The following SCEL variants were observed in gnomAD, a reference collection of about 807,000 sequenced individuals.
The protein encoded by SCEL is sciellin.
In SCEL, 113 loss-of-function variants were observed where a neutral mutation model predicts 117.6. The ratio of observed to expected loss-of-function variants is 0.96; its 90% CI spans 0.83 to 1.12. The LOEUF is 1.12. SCEL is among the 50% of genes most tolerant of loss of function. SCEL has a pLI of 0.00. For missense variants in SCEL, 785 were observed against 810.8 expected (o/e 0.97, Z 0.39); for synonymous variants, 270 against 256.2 (o/e 1.05, Z -0.51).
intron 9 of SCEL, among the ~76,000 whole-genome samples, chr13:77,579,094 G>C (rs570790572): frequency 6.6e-6 from 1 of 152,098 alleles, no homozygotes; most frequent in East Asian, 1.9e-4. Context: ...AGTGTGGGTC[G>C]ATGGATTCTA....
intron 28 of SCEL, among the ~76,000 whole-genome samples, chr13:77,631,303 T>C (rs2090009364): frequency 1.3e-5 from 2 of 152,228 alleles, no homozygotes. Context: ...TTATTGTCAA[T>C]GAAGATACAT....
At chr13:77,616,747 T>C (rs1281106406) in intron 24 of SCEL, among the ~76,000 whole-genome samples, 6 of 151,538 alleles carry the variant, frequency 4.0e-5, no homozygotes, top group Non-Finnish European at 2.9e-5. Context: ...GCATCCTTTT[T>C]TTTTTTTTTT....
Position 77,621,285 on chromosome 13 carries a change from C to CA in SCEL, c.1628+3226dup, listed in dbSNP as rs532532519. 1.4e-4 allele frequency among the ~76,000 whole-genome samples: 21 copies of CA among 152,302 alleles called. No homozygotes were observed. The South Asian group carries it at 4.4e-3, about 32-fold the overall frequency. On this transcript the variant is annotated intron_variant, in intron 27 of 32. Transcript: ENST00000349847. The stretch of plus-strand genomic sequence containing the variant: ...TCCTTAACCTGGTCTCTAAGCCCAC[C>CA]ACGATCTGGCATCTATGGGCTTTCC...
intron 24 of SCEL, among the ~76,000 whole-genome samples, chr13:77,615,858 A>G (rs2088982101): frequency 6.6e-6 from 1 of 152,086 alleles, no homozygotes; most frequent in Non-Finnish European, 1.5e-5. Flanking sequence ...TGTTTCTCAA[A>G]TGTGGGTTGC....
At chr13:77,633,442 C>CA (rs59939208) in intron 28 of SCEL, among the ~76,000 whole-genome samples, 571 of 29,470 alleles carry the variant, frequency 0.019, 28 homozygotes, top group Non-Finnish European at 0.026. Context: ...GACTCCGCCT[C>CA]AAAAAAAAAA....
At chr13:77,549,393 A>C (rs1010710) in intron 1 of SCEL, among the ~76,000 whole-genome samples, 38,878 of 152,098 alleles carry the variant, frequency 0.26, 5,177 homozygotes, top group Non-Finnish European at 0.29. Context: ...CTCAATTGAA[A>C]TAACAGAGAA....
chr13:77,607,993 CTTG>C, intron 19 of SCEL, 60 bp from the exon 20 acceptor site: 1 of 1,278,408 alleles, frequency 7.8e-7, no homozygotes. Flanking sequence ...GCTTTATCTT[CTTG>C]TTGTCAGTCT....
At position 77,613,275 on chromosome 13, in the gene SCEL, G is replaced by A. The variant is rs150022507; in HGVS notation, c.1388+334G>A. Among the ~76,000 whole-genome samples, 378 of 151,886 alleles carry A rather than the reference G, an allele frequency of 2.5e-3. 2 individuals are homozygous for A. The highest frequency in any genetic ancestry group is 8.4e-3 in the African/African-American group (347 of 41,436). On this transcript the variant is annotated intron_variant, in intron 23 of 32. Coordinates refer to ENST00000349847, the MANE Select transcript of SCEL (RefSeq NM_144777.3). ...AAAACTGAACAAATCAGTAAATATT[G>A]GCTTTCTGTTCTCTCACAAACACAG...
At position 77,644,330 on chromosome 13, in the gene SCEL, GT is replaced by G; in HGVS notation, c.*60del. 6.5e-7 allele frequency: 1 copy of G among 1,544,820 alleles called. No individual in the cohort carries two copies. The highest frequency in any genetic ancestry group is 8.9e-7 in the Non-Finnish European group (1 of 1,120,934). ...ACTCATTAAGGAATTAAAGTTACAA[GT>G]TTTATCTTAATAATATGTAATCTAG... On this transcript the variant is annotated 3_prime_UTR_variant, in exon 33 of 33. Transcript: ENST00000349847.
intron 30 of SCEL, among the ~76,000 whole-genome samples, chr13:77,640,324 A>G (rs573395100): frequency 2.6e-5 from 4 of 152,294 alleles, no homozygotes; most frequent in Non-Finnish European, 4.4e-5. Context: ...AACATGATAT[A>G]TGTAAATTCA....
At chr13:77,624,199 C>T (rs1387834173) in intron 27 of SCEL, among the ~76,000 whole-genome samples, 3 of 151,202 alleles carry the variant, frequency 2.0e-5, no homozygotes, top group East Asian at 3.9e-4. Context: ...CCTCCTCCCC[C>T]AGTTCACACA....
chr13:77,578,254 A>T (rs1290589666), intron 9 of SCEL, among the ~76,000 whole-genome samples: 1 of 152,086 alleles, frequency 6.6e-6, no homozygotes, highest in Non-Finnish European at 1.5e-5. Flanking sequence ...TGGTGCTTTC[A>T]CAAGTTTTGC....
chr13:77,616,914 T>C (rs957381124), intron 24 of SCEL, among the ~76,000 whole-genome samples: 2 of 152,102 alleles, frequency 1.3e-5, no homozygotes, highest in African/African-American at 4.8e-5. Flanking sequence ...TGAATAAGTA[T>C]GAAAATCAGT....
intron 9 of SCEL, among the ~76,000 whole-genome samples, chr13:77,585,301 G>C (rs1197384037): frequency 6.6e-6 from 1 of 152,150 alleles, no homozygotes; most frequent in Admixed American, 6.5e-5. Flanking sequence ...GCATGGCTTT[G>C]GGTATCACTG....
intron 9 of SCEL, among the ~76,000 whole-genome samples, chr13:77,587,502 C>T (rs2086630885): frequency 6.6e-6 from 1 of 152,116 alleles, no homozygotes; most frequent in African/African-American, 2.4e-5. Flanking sequence ...CCTTGCTTCC[C>T]CATTTTTTCC....
intron 14 of SCEL, 62 bp downstream of exon 14, chr13:77,599,450 A>G: frequency 1.5e-6 from 2 of 1,376,644 alleles, no homozygotes; most frequent in South Asian, 2.4e-5. Context: ...TTATTCCCTC[A>G]GACATTAGCT....
intron 27 of SCEL, among the ~76,000 whole-genome samples, chr13:77,625,176 T>C (rs1041759486): frequency 3.3e-5 from 5 of 152,262 alleles, no homozygotes; most frequent in African/African-American, 7.2e-5. Flanking sequence ...TCCTAAGAAA[T>C]TGGATCATGG....
In SCEL at chr13:77,604,397, CAAAT is replaced by C. The variant is rs1378667654; in HGVS notation, c.1143_1146del (p.Asn381LysfsTer15). On this transcript the variant is annotated frameshift_variant, in exon 19 of 33. Transcript: ENST00000349847. LOFTEE classifies it high-confidence loss of function. ...GGGCTTATTAAAGTGGATCCTGAAA[CAAAT>C]AAAAATATTACGAGGTAAGACATTT... 1.3e-6 allele frequency: 2 copies of C among 1,575,190 alleles called. No homozygotes were observed. The highest frequency in any genetic ancestry group is 2.4e-5 in the South Asian group (2 of 83,542).
In SCEL at chr13:77,610,126, CTA is replaced by C; in HGVS notation, c.1337+22_1337+23del. On this transcript the variant is annotated intron_variant, in intron 22 of 32. Coordinates refer to ENST00000349847, the MANE Select transcript of SCEL (RefSeq NM_144777.3). ...CCAAGGGTAAGGTTTATGGAACTCT[CTA>C]TTTCTCCCCCCTTTTTTTTTCCTAA... is the stretch of plus-strand genomic sequence containing the variant. 1 of 1,561,258 alleles carries C rather than the reference CTA, an allele frequency of 6.4e-7. No homozygotes were observed. Among genetic ancestry groups the C allele is most frequent in the Non-Finnish European group, 8.8e-7 (1 of 1,140,848 alleles).
Sources: gnomAD v4.1 joint callset for allele counts (sites outside exome capture counted in the v4.1 genomes callset) on GRCh38, gnomAD v4.1.1 for gene constraint, MANE v1.5 for transcripts, NCBI Gene and HGNC (gene_info 2026-07-23, HGNC 2026-07-21) for gene names.